Variants in WWOX observed in about 807,000 individuals in gnomAD.
WWOX encodes the protein WW domain-containing oxidoreductase.
WWOX carries 69 observed loss-of-function variants against 46.2 expected under a neutral mutation model. That is an observed-to-expected ratio of 1.49 (90% CI 1.23 to 1.82). WWOX has a LOEUF of 1.82. Among genes scored for constraint, WWOX ranks in the 40% most tolerant of loss-of-function variants. The pLI, the probability that WWOX is intolerant of heterozygous loss-of-function variation, is 0.00. For missense variants in WWOX, 919 were observed against 542.6 expected (o/e 1.69, Z -6.89); for synonymous variants, 359 against 202.6 (o/e 1.77, Z -6.56).
At chr16:78,380,204 T>C (rs1251933897) in intron 5 of WWOX, among the ~76,000 whole-genome samples, 1 of 152,128 alleles carries the variant, frequency 6.6e-6, no homozygotes, top group Non-Finnish European at 1.5e-5. Context: ...TCAGCTGCCA[T>C]GAGGGCTTCT....
Position 78,125,148 on chromosome 16 carries a change from G to C in WWOX, c.409+9994G>C, listed in dbSNP as rs528470686. ...ATTGATTATCATGTTGTATTACATTGATAGCCGTTTAAAATTTATGAAGAT... is the reference window on the plus strand; with the variant it reads ...ATTGATTATCATGTTGTATTACATTCATAGCCGTTTAAAATTTATGAAGAT... On this transcript the variant is annotated intron_variant, in intron 4 of 8. Transcript: ENST00000566780. Among the ~76,000 whole-genome samples the C allele has an allele frequency of 5.3e-4, 81 of 152,244 alleles. 1 individual carries two copies. The highest frequency in any genetic ancestry group is 5.3e-3 in the Admixed American group (81 of 15,284).
At chr16:78,776,868 AT>A (rs2050203546) in intron 8 of WWOX, among the ~76,000 whole-genome samples, 1 of 152,104 alleles carries the variant, frequency 6.6e-6, no homozygotes, top group Non-Finnish European at 1.5e-5. Flanking sequence ...CAAGAATAGA[AT>A]GGGGGAACCA....
At chr16:78,228,238 T>C (rs1275050337) in intron 5 of WWOX, among the ~76,000 whole-genome samples, 2 of 152,030 alleles carry the variant, frequency 1.3e-5, no homozygotes, top group East Asian at 1.9e-4. Flanking sequence ...GTTTCTTCAC[T>C]GGATGGGAAG....
intron 8 of WWOX, chr16:78,890,402 G>A (rs1266998322): frequency 7.2e-6 from 1 of 139,566 alleles, no homozygotes; most frequent in Non-Finnish European, 1.5e-5. Context: ...TAATCCTCAT[G>A]TTCTTAATGG....
Position 79,203,470 on chromosome 16 carries a change from G to A in WWOX, c.1057-8138G>A, listed in dbSNP as rs554054296. 2.0e-5 allele frequency: 3 copies of A among 151,254 alleles called. No homozygotes were observed. In the East Asian group the frequency reaches 5.8e-4, roughly 29 times the overall value. The allele number at this position is 151,254 out of a possible 1,614,324, so 9.4% of individuals were successfully genotyped here. On this transcript the variant is annotated intron_variant, in intron 8 of 8. Coordinates refer to ENST00000566780, the MANE Select transcript of WWOX (RefSeq NM_016373.4). ...GAGTTAAGAGTTAATTCCTTCCCAT[G>A]ATGTGGCCCCAGCGGAGACCTTGTG...
At chr16:79,065,215 T>C (rs570587775) in intron 8 of WWOX, among the ~76,000 whole-genome samples, 2 of 152,334 alleles carry the variant, frequency 1.3e-5, no homozygotes, top group South Asian at 4.1e-4. Context: ...CAATGGGTTC[T>C]TCTTGCCTGC....
At chr16:79,020,598 T>C (rs1050430668) in intron 8 of WWOX, among the ~76,000 whole-genome samples, 2 of 152,188 alleles carry the variant, frequency 1.3e-5, no homozygotes, top group Admixed American at 6.5e-5. Flanking sequence ...TAGTATATCA[T>C]GGTACAAGTT....
intron 8 of WWOX, among the ~76,000 whole-genome samples, chr16:78,949,606 T>G (rs1388515217): frequency 3.9e-5 from 6 of 152,358 alleles, no homozygotes; most frequent in Middle Eastern, 3.4e-3. Context: ...ATTTCACAGA[T>G]GAACACATTT....
chr16:78,615,582 A>G (rs976559155), intron 8 of WWOX, among the ~76,000 whole-genome samples: 1 of 152,016 alleles, frequency 6.6e-6, no homozygotes, highest in Admixed American at 6.6e-5. Flanking sequence ...CCCTGAGCCC[A>G]GGAGTTGGAG....
At chr16:78,591,208 G>A (rs1167293947) in intron 8 of WWOX, among the ~76,000 whole-genome samples, 1 of 152,100 alleles carries the variant, frequency 6.6e-6, no homozygotes, top group Non-Finnish European at 1.5e-5. Context: ...ATAGCCTATT[G>A]CTAGAGAACA....
chr16:78,898,750 C>T (rs886065597), intron 8 of WWOX: 2 of 152,106 alleles, frequency 1.3e-5, no homozygotes, highest in Admixed American at 1.3e-4. Flanking sequence ...CATGAGCATG[C>T]ATCTCTCCAT....
intron 8 of WWOX, among the ~76,000 whole-genome samples, chr16:79,100,564 G>C (rs746153070): frequency 1.3e-5 from 2 of 152,160 alleles, no homozygotes; most frequent in Non-Finnish European, 2.9e-5. Context: ...GCTCTGCACA[G>C]ACAGCTCTTT....
intron 8 of WWOX, among the ~76,000 whole-genome samples, chr16:78,701,862 G>A (rs2142296433): frequency 6.6e-6 from 1 of 151,576 alleles, no homozygotes; most frequent in African/African-American, 2.4e-5. Context: ...GCAGTCTATG[G>A]AGTGAGAAGG....
chr16:78,219,435 C>T (rs1423211941), intron 5 of WWOX, among the ~76,000 whole-genome samples: 4 of 152,092 alleles, frequency 2.6e-5, no homozygotes, highest in African/African-American at 9.7e-5. Flanking sequence ...AAATGCACAG[C>T]CAGATAACAA....
At chr16:78,355,114 A>G (rs912838280) in intron 5 of WWOX, among the ~76,000 whole-genome samples, 7 of 151,452 alleles carry the variant, frequency 4.6e-5, no homozygotes, top group Non-Finnish European at 8.8e-5. Context: ...CCTGGGTCAC[A>G]GAGGGAGACT....
chr16:78,670,034 G>A (rs757391729), intron 8 of WWOX, among the ~76,000 whole-genome samples: 5 of 152,092 alleles, frequency 3.3e-5, no homozygotes, highest in Non-Finnish European at 5.9e-5. Context: ...TCCTCCAGAG[G>A]CAGGAAGAGG....
At chr16:78,326,357 C>A (rs545700031) in intron 5 of WWOX, among the ~76,000 whole-genome samples, 1 of 152,266 alleles carries the variant, frequency 6.6e-6, no homozygotes, top group East Asian at 1.9e-4. Flanking sequence ...TTGGCATATT[C>A]TGTCTTTTTA....
intron 5 of WWOX, among the ~76,000 whole-genome samples, chr16:78,342,899 G>A (rs2081040100): frequency 8.3e-6 from 1 of 120,836 alleles, no homozygotes; most frequent in Admixed American, 8.0e-5. Flanking sequence ...GAGGATCTGA[G>A]TTCATTTCAT....
At chr16:79,175,262 G>C (rs74573198) in intron 8 of WWOX, among the ~76,000 whole-genome samples, 4,365 of 152,316 alleles carry the variant, frequency 0.029, 233 homozygotes, top group African/African-American at 0.098. Flanking sequence ...AAATGTTACA[G>C]ATCAGTTTGA....
Sources: allele counts gnomAD v4.1 joint callset (sites outside exome capture counted in the v4.1 genomes callset), GRCh38; gene constraint gnomAD v4.1.1; transcripts MANE v1.5; gene names NCBI Gene and HGNC (gene_info 2026-07-23, HGNC 2026-07-21).